TPTE2: variants seen among roughly 807,000 people sequenced by gnomAD.
The protein encoded by TPTE2 is phosphatidylinositol 3,4,5-trisphosphate 3-phosphatase TPTE2.
In TPTE2, 53 loss-of-function variants were observed where a neutral mutation model predicts 78.6. That is an observed-to-expected ratio of 0.67 (90% CI 0.54 to 0.85). TPTE2 has a LOEUF of 0.85. Ranked by LOEUF, TPTE2 falls within the 40% of genes least tolerant of loss-of-function variation. TPTE2 has a pLI of 0.00. For synonymous variants in TPTE2, 175 were observed against 206.2 expected (o/e 0.85, Z 1.30); for missense variants, 461 against 623.0 (o/e 0.74, Z 2.77).
intron 13 of TPTE2, among the ~76,000 whole-genome samples, chr13:19,438,818 C>T (rs1593353639): frequency 6.6e-6 from 1 of 152,164 alleles, no homozygotes; most frequent in South Asian, 2.1e-4. Context: ...ATCCCAGATC[C>T]TGGGGAGGAC....
chr13:19,537,825 A>T (rs962713491), upstream of TPTE2, among the ~76,000 whole-genome samples: 1 of 151,606 alleles, frequency 6.6e-6, no homozygotes, highest in African/African-American at 2.4e-5. Context: ...GGCTGGTCTC[A>T]AACTCCTGAC....
chr13:19,560,336 G>A, the TPTE2 span: 19 of 1,550,202 alleles, frequency 1.2e-5, 1 homozygote, highest in Admixed American at 1.2e-4. Context: ...CGCAGGGACT[G>A]CAGCCGCCGC....
intron 13 of TPTE2, among the ~76,000 whole-genome samples, chr13:19,442,292 T>C (rs1877549075): frequency 6.6e-6 from 1 of 151,508 alleles, no homozygotes; most frequent in African/African-American, 2.4e-5. Context: ...TACAAAACTC[T>C]CATATGTTTG....
chr13:19,518,772 G>GA (rs746377143), intron 1 of TPTE2, among the ~76,000 whole-genome samples: 2 of 152,092 alleles, frequency 1.3e-5, no homozygotes, highest in South Asian at 2.1e-4. Flanking sequence ...CTTCACAACG[G>GA]AAAAAAAGAT....
chr13:19,472,485 G>C (rs1437504610), intron 6 of TPTE2, among the ~76,000 whole-genome samples: 1 of 151,886 alleles, frequency 6.6e-6, no homozygotes, highest in Non-Finnish European at 1.5e-5. Flanking sequence ...ACATTTTTTG[G>C]CTCCAGAATT....
intron 14 of TPTE2, among the ~76,000 whole-genome samples, chr13:19,437,392 C>T (rs1352353982): frequency 6.6e-6 from 1 of 152,180 alleles, no homozygotes; most frequent in African/African-American, 2.4e-5. Context: ...ACTGAGAACT[C>T]TGCTTTAAGT....
intron 13 of TPTE2, among the ~76,000 whole-genome samples, chr13:19,444,705 T>C (rs1877718767): frequency 6.6e-6 from 1 of 152,136 alleles, no homozygotes; most frequent in African/African-American, 2.4e-5. Flanking sequence ...ATTCCCAAAT[T>C]TATATGGAAA....
rs547216838 is a variant in TPTE2, at chr13:19,474,183, C to T, written c.231-108G>A. ...CTATATTTAAGCCACTGATCAGGTA[C>T]CAAAATGTTATTATTTAGTATTAAG... On this transcript the variant is annotated intron_variant, in intron 5 of 19. Coordinates refer to ENST00000400230, the Ensembl canonical transcript of TPTE2. 923 of 1,095,190 alleles carry T rather than the reference C, an allele frequency of 8.4e-4. 4 individuals are homozygous for T. Among genetic ancestry groups the T allele is most frequent in the Non-Finnish European group, 1.1e-3 (870 of 824,516 alleles). 67.8% of individuals were successfully genotyped at this position (1,095,190 alleles called of 1,614,324 possible).
At chr13:19,477,882 T>C (rs1880071017) in intron 4 of TPTE2, among the ~76,000 whole-genome samples, 1 of 152,182 alleles carries the variant, frequency 6.6e-6, no homozygotes, top group Admixed American at 6.6e-5. Flanking sequence ...GGAAAAGTAC[T>C]GTTCACACTC....
At chr13:19,523,259 A>G (rs1474869238) in intron 1 of TPTE2, among the ~76,000 whole-genome samples, 1 of 152,196 alleles carries the variant, frequency 6.6e-6, no homozygotes, top group Non-Finnish European at 1.5e-5. Context: ...TATAATGAAC[A>G]TAAAGTAAGA....
At chr13:19,465,656 C>T in intron 7 of TPTE2, 92 bp from the exon 11 acceptor site, 1 of 1,092,248 alleles carries the variant, frequency 9.2e-7, no homozygotes, top group Non-Finnish European at 1.3e-6. Context: ...TAACCAGAGG[C>T]AATTTTCCCT....
intron 9 of TPTE2, 67 bp downstream of exon 12, chr13:19,465,188 G>A (rs1879183490): frequency 6.3e-7 from 1 of 1,592,010 alleles, no homozygotes; most frequent in East Asian, 2.2e-5. Context: ...CTTAGATGAG[G>A]CAAAAAAATA....
intron 7 of TPTE2, among the ~76,000 whole-genome samples, chr13:19,465,992 G>A (rs1036325661): frequency 1.3e-5 from 2 of 152,094 alleles, no homozygotes; most frequent in African/African-American, 2.4e-5. Context: ...AAAACAAATC[G>A]ATTATTCTTG....
intron 1 of TPTE2, among the ~76,000 whole-genome samples, chr13:19,526,774 A>G (rs539778696): frequency 7.9e-5 from 12 of 152,266 alleles, no homozygotes; most frequent in East Asian, 3.9e-4. Flanking sequence ...GGATTTAGGC[A>G]TGTCTATTTG....
At chr13:19,510,418 A>G (rs1371510193) in intron 1 of TPTE2, among the ~76,000 whole-genome samples, 1 of 147,654 alleles carries the variant, frequency 6.8e-6, no homozygotes, top group Non-Finnish European at 1.5e-5. Flanking sequence ...CAAGAGGGAA[A>G]GCAAGGTGGG....
intron 10 of TPTE2, among the ~76,000 whole-genome samples, chr13:19,459,455 A>G (rs1286981474): frequency 6.6e-6 from 1 of 152,130 alleles, no homozygotes; most frequent in Admixed American, 6.5e-5. Flanking sequence ...CATTCCCACC[A>G]TCAGGAGGCA....
intron 1 of TPTE2, among the ~76,000 whole-genome samples, chr13:19,529,266 C>T (rs566174594): frequency 6.6e-6 from 1 of 152,230 alleles, no homozygotes; most frequent in Non-Finnish European, 1.5e-5. Flanking sequence ...TGTCTGGGCC[C>T]CTGCCCTAAG....
chr13:19,467,660 G>A (rs1260951717), intron 6 of TPTE2, among the ~76,000 whole-genome samples: 1 of 152,078 alleles, frequency 6.6e-6, no homozygotes, highest in Admixed American at 6.6e-5. Flanking sequence ...ATCCCCTCAA[G>A]CATTTATCAT....
intron 3 of TPTE2, among the ~76,000 whole-genome samples, chr13:19,490,824 C>T (rs922754258): frequency 2.6e-5 from 4 of 152,164 alleles, no homozygotes; most frequent in African/African-American, 9.7e-5. Context: ...TCCTCAGCTC[C>T]CTGCCCACTG....
Sources: allele counts gnomAD v4.1 joint callset (sites outside exome capture counted in the v4.1 genomes callset), GRCh38; gene constraint gnomAD v4.1.1; transcripts MANE v1.5; gene names NCBI Gene and HGNC (gene_info 2026-07-23, HGNC 2026-07-21).